Variants in MALRD1 observed in about 807,000 individuals in gnomAD.
The protein encoded by MALRD1 is MAM and LDL-receptor class A domain-containing protein 1.
Under a neutral mutation model 242.1 loss-of-function variants are expected in MALRD1, and 247 were observed. The observed-to-expected ratio is 1.02, with a 90% confidence interval of 0.92 to 1.13. MALRD1 has a LOEUF of 1.13. MALRD1 is among the 50% of genes most tolerant of loss of function. The pLI, the probability that MALRD1 is intolerant of heterozygous loss-of-function variation, is 0.00. For missense variants in MALRD1, 2,989 were observed against 2,533.1 expected (o/e 1.18, Z -3.86); for synonymous variants, 995 against 866.6 (o/e 1.15, Z -2.60).
intron 14 of MALRD1, among the ~76,000 whole-genome samples, chr10:19,199,668 G>T (rs1485953979): frequency 1.3e-5 from 2 of 152,094 alleles, no homozygotes; most frequent in Non-Finnish European, 2.9e-5. Context: ...GGGTATGGTG[G>T]CAGGCACCTG....
At chr10:19,659,919 AT>A (rs1300631896) in intron 36 of MALRD1, among the ~76,000 whole-genome samples, 1 of 152,000 alleles carries the variant, frequency 6.6e-6, no homozygotes, top group Non-Finnish European at 1.5e-5. Flanking sequence ...CAGGTATTGA[AT>A]TTTCTAAGAT....
chr10:19,628,745 T>A (rs1484154605), intron 36 of MALRD1, among the ~76,000 whole-genome samples: 3 of 152,170 alleles, frequency 2.0e-5, no homozygotes, highest in Non-Finnish European at 4.4e-5. Context: ...TTTGAAAACA[T>A]ATGTTGCTAA....
At chr10:19,539,857 CGT>C (rs368123598) in intron 32 of MALRD1, among the ~76,000 whole-genome samples, 1,401 of 126,948 alleles carry the variant, frequency 0.011, 16 homozygotes, top group Middle Eastern at 0.042. Context: ...CAGCTTTGTG[CGT>C]GTGTGTGTGT....
rs534396683 is a variant in MALRD1 at position 19,387,556 on chromosome 10, T to C, written c.4470T>C (p.Cys1490=). ...TGFCPLGYRE[C]HNGKCYRLEQ... ...TCTGCCCACTTGGCTATAGGGAATG[T>C]CATAATGGAAAATGCTATAGGCTGG... is the stretch of plus-strand genomic sequence containing the variant. Residue 1490 remains cysteine, a synonymous_variant, in exon 27 of 40, where the codon TGT becomes TGC. Transcript: ENST00000454679. The C allele has an allele frequency of 6.4e-7, 1 of 1,550,424 alleles. No homozygotes were observed. Among genetic ancestry groups the C allele is most frequent in the African/African-American group, 1.4e-5 (1 of 73,144 alleles).
intron 28 of MALRD1, among the ~76,000 whole-genome samples, chr10:19,410,064 T>C (rs1833210386): frequency 6.6e-6 from 1 of 152,174 alleles, no homozygotes; most frequent in Non-Finnish European, 1.5e-5. Context: ...TTTCAGGTTT[T>C]AGTTAATTAG....
In MALRD1 at chr10:19,730,737, G is replaced by T; in HGVS notation, c.6346G>T (p.Val2116Phe). 2 of 1,536,652 alleles carry T rather than the reference G, an allele frequency of 1.3e-6. No homozygotes were observed. The highest frequency in any genetic ancestry group is 1.7e-6 in the Non-Finnish European group (2 of 1,147,032). ...CGAGGGAAGTGGTAACTGTGCCTTT[G>T]TCAATCCAGTTTACGGGAACTGGAG... The part of the protein sequence containing the change: ...KTEGSGNCAF[V>F]NPVYGNWSNP... Residue 2116 changes from valine to phenylalanine, a missense_variant, in exon 39 of 40, where the codon GTC becomes TTC. By Grantham distance (50) the Val-to-Phe change is conservative. Coordinates refer to ENST00000454679, the MANE Select transcript of MALRD1 (RefSeq NM_001142308.3).
chr10:19,449,299 C>T (rs1835180121), intron 28 of MALRD1, among the ~76,000 whole-genome samples: 2 of 152,198 alleles, frequency 1.3e-5, no homozygotes, highest in African/African-American at 4.8e-5. Context: ...GCCTCAGTCT[C>T]CCAAGTAGCT....
chr10:19,640,405 C>T (rs971745601), intron 36 of MALRD1, among the ~76,000 whole-genome samples: 7 of 152,152 alleles, frequency 4.6e-5, no homozygotes, highest in Non-Finnish European at 7.4e-5. Flanking sequence ...GTCTTCTACT[C>T]ACTGGCTGAC....
intron 34 of MALRD1, among the ~76,000 whole-genome samples, chr10:19,603,184 G>T (rs1384101766): frequency 6.6e-6 from 1 of 152,110 alleles, no homozygotes; most frequent in African/African-American, 2.4e-5. Context: ...CTGTGCAGAA[G>T]CTCTTTAGTT....
intron 36 of MALRD1, among the ~76,000 whole-genome samples, chr10:19,690,801 A>C (rs962985624): frequency 6.6e-6 from 1 of 152,042 alleles, no homozygotes; most frequent in African/African-American, 2.4e-5. Context: ...AGATAGAATG[A>C]AAGAATGATA....
chr10:19,649,402 A>G (rs1327017011), intron 36 of MALRD1, among the ~76,000 whole-genome samples: 1 of 152,048 alleles, frequency 6.6e-6, no homozygotes, highest in African/African-American at 2.4e-5. Flanking sequence ...AGCATCTGTT[A>G]TTTTTTGACT....
At chr10:19,345,800 A>G (rs1844094021) in intron 24 of MALRD1, among the ~76,000 whole-genome samples, 1 of 151,348 alleles carries the variant, frequency 6.6e-6, no homozygotes, top group Admixed American at 6.6e-5. Flanking sequence ...AAAAATGATT[A>G]TTTTAAGCCC....
intron 28 of MALRD1, among the ~76,000 whole-genome samples, chr10:19,427,951 T>G (rs974399188): frequency 2.0e-5 from 3 of 152,122 alleles, no homozygotes; most frequent in African/African-American, 7.2e-5. Context: ...TGTATACACA[T>G]GAGTGCAGCC....
chr10:19,211,569 C>T (rs577223160), intron 18 of MALRD1, among the ~76,000 whole-genome samples: 5 of 151,548 alleles, frequency 3.3e-5, no homozygotes, highest in Admixed American at 2.6e-4. Context: ...CACCTGTAAT[C>T]CCAGCTACTT....
intron 1 of MALRD1, among the ~76,000 whole-genome samples, chr10:19,051,301 A>C (rs1369829871): frequency 2.0e-5 from 3 of 151,792 alleles, no homozygotes; most frequent in African/African-American, 7.3e-5. Context: ...TAAAAAAAAA[A>C]GTCCCCTTTA....
At chr10:19,385,620 GTCT>G (rs1286975051) in intron 26 of MALRD1, among the ~76,000 whole-genome samples, 1 of 151,850 alleles carries the variant, frequency 6.6e-6, no homozygotes, top group Non-Finnish European at 1.5e-5. Context: ...ATTTATCTGA[GTCT>G]TCTTTATTCT....
At chr10:19,657,657 G>A (rs1238045207) in intron 36 of MALRD1, among the ~76,000 whole-genome samples, 2 of 151,908 alleles carry the variant, frequency 1.3e-5, no homozygotes, top group African/African-American at 2.4e-5. Context: ...GGAGAATTGG[G>A]TATCCATCAC....
At chr10:19,539,174 A>T (rs1589217089) in intron 32 of MALRD1, among the ~76,000 whole-genome samples, 1 of 152,282 alleles carries the variant, frequency 6.6e-6, no homozygotes, top group East Asian at 1.9e-4. Flanking sequence ...CTTTATCATA[A>T]ATTAATTAGT....
rs117157192 is a variant in MALRD1, at chr10:19,359,349, T to C, written c.4441+7052T>C. On this transcript the variant is annotated intron_variant, in intron 26 of 39. Transcript: ENST00000454679. ...CATATTGACATCACCCCAAACACAC[T>C]AGACTACTGTTCATACAGTATGTTG... is the stretch of plus-strand genomic sequence containing the variant. Among the ~76,000 whole-genome samples the C allele has an allele frequency of 2.7e-3, 406 of 152,296 alleles. 2 individuals are homozygous for C. The highest frequency in any genetic ancestry group is 0.02 in the Middle Eastern group (6 of 294).
Sources: gnomAD v4.1 joint callset for allele counts (sites outside exome capture counted in the v4.1 genomes callset) on GRCh38, gnomAD v4.1.1 for gene constraint, MANE v1.5 for transcripts, NCBI Gene and HGNC (gene_info 2026-07-23, HGNC 2026-07-21) for gene names.